ARHGAP21: variants seen among roughly 807,000 people sequenced by gnomAD.
ARHGAP21 encodes the protein Rho GTPase activating protein 21.
Under a neutral mutation model 164.6 loss-of-function variants are expected in ARHGAP21, and 38 were observed. That is an observed-to-expected ratio of 0.23 (90% CI 0.18 to 0.30). The LOEUF (loss-of-function observed/expected upper bound fraction) is 0.30, where lower values mean the gene tolerates loss of function less well. Among genes scored for constraint, ARHGAP21 ranks in the 10% least tolerant of loss-of-function variants. The pLI is 1.00. For synonymous variants in ARHGAP21, 766 were observed against 857.9 expected, an observed-to-expected ratio of 0.89 and a Z score of 1.87; for missense variants, 1,822 against 2,370.7, an observed-to-expected ratio of 0.77 and a Z score of 4.81.
chr10:24,642,514 CA>C (rs57154901), intron 4 of ARHGAP21, among the ~76,000 whole-genome samples: 497 of 47,908 alleles, frequency 0.01, no homozygotes, highest in East Asian at 0.028. Flanking sequence ...GACTCCGTCT[CA>C]AAAAAAAAAA....
chr10:24,719,130 C>CACACACACACACA (rs1565215396), intron 2 of ARHGAP21, among the ~76,000 whole-genome samples: 1 of 148,010 alleles, frequency 6.8e-6, no homozygotes. Context: ...CACACACACA[C>CACACACACACACA]CCCAAAAATC....
intron 2 of ARHGAP21, among the ~76,000 whole-genome samples, chr10:24,700,746 T>C (rs555310112): frequency 6.6e-6 from 1 of 152,310 alleles, no homozygotes; most frequent in African/African-American, 2.4e-5. Flanking sequence ...TGATACAATG[T>C]AAAGTAATAT....
intron 2 of ARHGAP21, among the ~76,000 whole-genome samples, chr10:24,672,540 G>C (rs965459413): frequency 7.2e-5 from 11 of 152,108 alleles, no homozygotes; most frequent in Non-Finnish European, 1.5e-5. Context: ...TCTAACCCAA[G>C]CCTCTCTCCA....
intron 2 of ARHGAP21, among the ~76,000 whole-genome samples, chr10:24,693,018 C>T (rs558986972): frequency 4.6e-5 from 7 of 151,590 alleles, no homozygotes; most frequent in South Asian, 2.1e-4. Flanking sequence ...AATATTCACA[C>T]GAAAGTTCAA....
intron 16 of ARHGAP21, 81 bp from the exon 17 acceptor site, chr10:24,596,963 A>G (rs1295479765): frequency 2.1e-6 from 3 of 1,431,470 alleles, no homozygotes; most frequent in African/African-American, 2.9e-5. Context: ...ACACTTTATC[A>G]ATGTTTACAT....
intron 15 of ARHGAP21, 26 bp from the exon 16 acceptor site, chr10:24,597,609 A>G (rs940196391): frequency 5.0e-6 from 8 of 1,612,862 alleles, no homozygotes; most frequent in Middle Eastern, 1.7e-4. Context: ...ACATTTGTTA[A>G]CAATTACAGT....
In ARHGAP21 at chr10:24,591,843, GCAGAGATGAAGCATGAACTTA is replaced by G. The variant is rs754115677; in HGVS notation, c.4002+23_4002+43del. 2.8e-4 allele frequency: 441 copies of G among 1,593,992 alleles called. 2 individuals are homozygous for G. Among genetic ancestry groups the G allele is most frequent in the African/African-American group, 8.2e-4 (61 of 73,944 alleles). On this transcript the variant is annotated intron_variant, in intron 22 of 25. Coordinates refer to ENST00000396432, the MANE Select transcript of ARHGAP21 (RefSeq NM_020824.4). ...GCTGCCCGTGAAAATGAATTTTCTT[GCAGAGATGAAGCATGAACTTA>G]CAGAGATGAAGCATGAACTTACGTG...
chr10:24,693,501 C>T (rs1429455970), intron 2 of ARHGAP21, among the ~76,000 whole-genome samples: 1 of 152,060 alleles, frequency 6.6e-6, no homozygotes, highest in Non-Finnish European at 1.5e-5. Flanking sequence ...CAGGCGCTCG[C>T]CACCACGCCC....
At chr10:24,628,940 T>TAC (rs1204443405) in intron 7 of ARHGAP21, 16 of 95,528 alleles carry the variant, frequency 1.7e-4, no homozygotes, top group African/African-American at 3.4e-4. Context: ...TACATATATA[T>TAC]ACACACACAC....
At chr10:24,653,390 C>A (rs1385761009) in intron 4 of ARHGAP21, among the ~76,000 whole-genome samples, 3 of 151,962 alleles carry the variant, frequency 2.0e-5, no homozygotes, top group African/African-American at 7.3e-5. Flanking sequence ...CTGGCTAACA[C>A]GGTGAAACCC....
chr10:24,595,021 G>A lies in ARHGAP21; in HGVS notation c.3805C>T (p.His1269Tyr), dbSNP rs138676569. 4.3e-6 allele frequency: 7 copies of A among 1,612,856 alleles called. No individual in the cohort carries two copies. Among genetic ancestry groups the A allele is most frequent in the Non-Finnish European group, 5.1e-6 (6 of 1,179,310 alleles). The change falls in exon 21 of 26, where the codon CAT becomes TAT. Residue 1269 changes from histidine to tyrosine, a missense_variant. Coordinates refer to ENST00000396432, the MANE Select transcript of ARHGAP21 (RefSeq NM_020824.4). ...AGGAACTTAAGTGTTTCATAATGAT[G>A]TTCAGGCAAATCGTGAATCTGAAAC... is the stretch of plus-strand genomic sequence containing the variant. ...LKRLIHDLPE[H>Y]HYETLKFLSA...
Position 24,619,670 on chromosome 10 carries a change from G to A in ARHGAP21, c.2225C>T (p.Pro742Leu). Residue 742 changes from proline (P) to leucine (L), a missense_variant, in exon 9 of 26, where the codon CCA becomes CTA. Transcript: ENST00000396432. ...AGGCTGCGGTGTCTGGCGTCCAGAT[G>A]GAGGTTTTTCCCTTAGGATGACAGC... ...KEAVILREKP[P>L]SGRQTPQPLR... is the part of the protein sequence containing the mutation. 1 of 1,614,162 alleles carries A rather than the reference G, an allele frequency of 6.2e-7. No individual in the cohort carries two copies.
rs1836225406 is a variant in ARHGAP21 at position 24,635,002 on chromosome 10, T to A, written c.361+9A>T. On this transcript the variant is annotated intron_variant, in intron 5 of 25. Coordinates refer to ENST00000396432, the MANE Select transcript of ARHGAP21 (RefSeq NM_020824.4). The stretch of plus-strand genomic sequence containing the variant: ...TTAAAACGTATTGTTTAAAGAAGAA[T>A]ATCAGCACCTGTACATAATCCAGCT... The A allele has an allele frequency of 6.6e-7, 1 of 1,519,264 alleles. No homozygotes were observed. Among genetic ancestry groups the A allele is most frequent in the African/African-American group, 1.4e-5 (1 of 71,390 alleles). The allele number at this position is 1,519,264 out of a possible 1,614,324, so 94.1% of individuals were successfully genotyped here. A position where few individuals can be genotyped will look rare whatever the true frequency, so the allele number is the denominator to read the frequency against.
At position 24,722,033 on chromosome 10, in the gene ARHGAP21, C is replaced by T. The variant is rs1459885291; in HGVS notation, c.-134G>A. The T allele has an allele frequency of 2.2e-6, 2 of 914,406 alleles. No homozygotes were observed. The highest frequency in any genetic ancestry group is 3.3e-5 in the African/African-American group (2 of 60,676). The allele number at this position is 914,406 out of a possible 1,614,324, so 56.6% of individuals were successfully genotyped here. Reference sequence around the variant, plus strand: ...GGAGGGGCAGGGCTGTTGAAACAGACAACGTGCCAGGGAATAAAGGTTTTC... The same window carrying T: ...GGAGGGGCAGGGCTGTTGAAACAGATAACGTGCCAGGGAATAAAGGTTTTC... On this transcript the variant is annotated 5_prime_UTR_variant, in exon 2 of 26. Coordinates refer to ENST00000396432, the MANE Select transcript of ARHGAP21 (RefSeq NM_020824.4).
Position 24,621,325 on chromosome 10 carries a change from G to A in ARHGAP21, c.570C>T (p.Ser190=), listed in dbSNP as rs781331289. ...DAYLKGNEAY[S]GNARNIPEPP... ...GTTCAGGTATATTGCGGGCATTGCCGCTATAAGCTTCGTTGCCTTTCAGGT... is the reference window on the plus strand; with the variant it reads ...GTTCAGGTATATTGCGGGCATTGCCACTATAAGCTTCGTTGCCTTTCAGGT... Residue 190 remains serine, a synonymous_variant, in exon 9 of 26, where the codon AGC becomes AGT. Transcript: ENST00000396432. The A allele has an allele frequency of 9.9e-6, 16 of 1,608,496 alleles. No individual in the cohort carries two copies. Among genetic ancestry groups the A allele is most frequent in the Admixed American group, 1.7e-5 (1 of 59,372 alleles).
At chr10:24,651,620 A>C (rs986808547) in intron 4 of ARHGAP21, among the ~76,000 whole-genome samples, 63 of 152,340 alleles carry the variant, frequency 4.1e-4, no homozygotes, top group African/African-American at 1.4e-3. Context: ...AAAAAGCATC[A>C]CACACTGTGG....
intron 14 of ARHGAP21, among the ~76,000 whole-genome samples, chr10:24,599,752 A>C (rs1359955628): frequency 6.6e-6 from 1 of 152,214 alleles, no homozygotes; most frequent in South Asian, 2.1e-4. Flanking sequence ...TTTAAAAACT[A>C]TCTTTACTAT....
At chr10:24,690,487 C>T (rs1341733038) in intron 2 of ARHGAP21, among the ~76,000 whole-genome samples, 1 of 152,066 alleles carries the variant, frequency 6.6e-6, no homozygotes, top group Non-Finnish European at 1.5e-5. Context: ...TGAGGCTAGA[C>T]ATCTTGGCAT....
chr10:24,585,653 A>T lies in ARHGAP21; in HGVS notation c.4636T>A (p.Ser1546Thr), dbSNP rs2076072780. Reference protein sequence around the residue: ...SSHLEETGSDSGTLLSTSSQA... With the variant: ...SSHLEETGSDTGTLLSTSSQA... Reference sequence around the variant, plus strand: ...GAAGACGTGCTGAGCAAAGTGCCAGAGTCAGAGCCTGTCTCTTCAAGGTGG... The same window carrying T: ...GAAGACGTGCTGAGCAAAGTGCCAGTGTCAGAGCCTGTCTCTTCAAGGTGG... Residue 1546 changes from serine to threonine, a missense_variant, in exon 26 of 26, where the codon TCT becomes ACT. Physicochemically the swap from Ser to Thr is moderately conservative, Grantham distance 58 (BLOSUM62 1). This residue lies in a region of ARHGAP21 where 333 missense variants were observed against 383.9 expected (regional missense o/e 0.87). Transcript: ENST00000396432. 6.2e-7 allele frequency: 1 copy of T among 1,614,040 alleles called. No individual in the cohort carries two copies. Among genetic ancestry groups the T allele is most frequent in the Non-Finnish European group, 8.5e-7 (1 of 1,180,032 alleles).
Sources: allele counts gnomAD v4.1 joint callset (sites outside exome capture counted in the v4.1 genomes callset), GRCh38; gene constraint gnomAD v4.1.1; regional missense constraint gnomAD v4.1.1; transcripts MANE v1.5; gene names NCBI Gene and HGNC (gene_info 2026-07-23, HGNC 2026-07-21).